Variants in PAK1 observed in about 807,000 individuals in gnomAD.
PAK1 encodes p21 (RAC1) activated kinase 1.
In PAK1, 29 loss-of-function variants were observed where a neutral mutation model predicts 67.4. That is an observed-to-expected ratio of 0.43 (90% CI 0.32 to 0.59). The LOEUF (loss-of-function observed/expected upper bound fraction) is 0.59. PAK1 is among the 20% of genes least tolerant of loss of function. The pLI, the probability that PAK1 is intolerant of heterozygous loss-of-function variation, is 0.07. For synonymous variants in PAK1, 223 were observed against 237.4 expected (o/e 0.94, Z 0.56); for missense variants, 337 against 670.7 (o/e 0.50, Z 5.50).
chr11:77,385,557 C>T (rs1005363659), intron 2 of PAK1, among the ~76,000 whole-genome samples: 6 of 152,106 alleles, frequency 3.9e-5, no homozygotes, highest in East Asian at 1.9e-4. Context: ...ATTCCTACAA[C>T]GATGTTAAGA....
chr11:77,467,870 C>T (rs546731124), intron 1 of PAK1, among the ~76,000 whole-genome samples: 2 of 152,310 alleles, frequency 1.3e-5, no homozygotes, highest in Non-Finnish European at 2.9e-5. Flanking sequence ...TTGTGCTCTT[C>T]CTTAAACCCT....
chr11:77,460,145 A>G (rs1348805562), intron 1 of PAK1, among the ~76,000 whole-genome samples: 1 of 148,054 alleles, frequency 6.8e-6, no homozygotes, highest in Admixed American at 6.7e-5. Flanking sequence ...GACTTTCTCA[A>G]ACTCTGTAGA....
intron 1 of PAK1, among the ~76,000 whole-genome samples, chr11:77,426,486 G>T (rs558011935): frequency 3.4e-4 from 51 of 152,210 alleles, no homozygotes; most frequent in African/African-American, 1.2e-3. Flanking sequence ...GAAAATCGGG[G>T]CACAGAGAGC....
At chr11:77,327,814 G>C (rs939546865) in intron 14 of PAK1, among the ~76,000 whole-genome samples, 24 of 152,134 alleles carry the variant, frequency 1.6e-4, no homozygotes, top group African/African-American at 5.6e-4. Context: ...TGGGCTAAAT[G>C]CTCCAATTAA....
chr11:77,481,869 T>C, the PAK1 span, among the ~76,000 whole-genome samples: 7 of 152,314 alleles, frequency 4.6e-5, no homozygotes, highest in East Asian at 1.3e-3. Flanking sequence ...TACTCGCTAC[T>C]ATATCTCTAG....
At chr11:77,462,535 TAA>T (rs1292268697) in intron 1 of PAK1, among the ~76,000 whole-genome samples, 3 of 151,914 alleles carry the variant, frequency 2.0e-5, no homozygotes, top group Non-Finnish European at 4.4e-5. Flanking sequence ...CAGTTCTTAG[TAA>T]AGAAGTCATG....
intron 9 of PAK1, among the ~76,000 whole-genome samples, chr11:77,346,549 G>T (rs1158736065): frequency 6.6e-6 from 1 of 152,136 alleles, no homozygotes; most frequent in Non-Finnish European, 1.5e-5. Flanking sequence ...AATGGCCAAT[G>T]CATTACTCAC....
intron 2 of PAK1, among the ~76,000 whole-genome samples, chr11:77,383,593 G>A (rs560844166): frequency 5.9e-5 from 9 of 152,172 alleles, no homozygotes; most frequent in Non-Finnish European, 1.2e-4. Context: ...CCAAAGTGCT[G>A]GTATTACAGG....
intron 8 of PAK1, chr11:77,349,551 T>A (rs561179016): frequency 2.3e-6 from 1 of 429,138 alleles, no homozygotes; most frequent in Non-Finnish European, 4.3e-6. Context: ...GAAAGTTATT[T>A]AACTTCTTTG....
the PAK1 span, among the ~76,000 whole-genome samples, chr11:77,503,449 C>T: frequency 6.6e-6 from 1 of 152,250 alleles, no homozygotes; most frequent in Non-Finnish European, 1.5e-5. Context: ...CAGCAGTTCT[C>T]AAACTGTTTG....
chr11:77,514,566 G>A, the PAK1 span, among the ~76,000 whole-genome samples: 10 of 152,172 alleles, frequency 6.6e-5, no homozygotes, highest in Non-Finnish European at 8.8e-5. Flanking sequence ...AATGTTAACT[G>A]AAAACCTGGA....
At chr11:77,472,524 T>C (rs1957911846) in intron 1 of PAK1, among the ~76,000 whole-genome samples, 1 of 152,186 alleles carries the variant, frequency 6.6e-6, no homozygotes. Flanking sequence ...CTTGCCCGTT[T>C]TGGGGCATAA....
the PAK1 span, among the ~76,000 whole-genome samples, chr11:77,489,565 C>T: frequency 1.3e-5 from 2 of 152,138 alleles, no homozygotes; most frequent in Non-Finnish European, 2.9e-5. Flanking sequence ...TCTCCTGCCT[C>T]GGCCTGCGGA....
chr11:77,500,568 G>A, the PAK1 span, among the ~76,000 whole-genome samples: 1 of 152,154 alleles, frequency 6.6e-6, no homozygotes, highest in Non-Finnish European at 1.5e-5. Context: ...CGTTCTGGCT[G>A]GGTTCAGTGG....
At chr11:77,528,405 G>C in the PAK1 span, among the ~76,000 whole-genome samples, 1 of 150,782 alleles carries the variant, frequency 6.6e-6, no homozygotes, top group African/African-American at 2.4e-5. Flanking sequence ...TGTTGCCCAG[G>C]CTGGAATGCA....
the PAK1 span, among the ~76,000 whole-genome samples, chr11:77,490,753 C>T: frequency 6.6e-6 from 1 of 152,218 alleles, no homozygotes; most frequent in East Asian, 1.9e-4. Flanking sequence ...AAGAAGTAGA[C>T]ATGGGAAACT....
rs1949599302 is a variant in PAK1 at position 77,379,904 on chromosome 11, CCT to C, written c.279_280del (p.Glu95ValfsTer19). ...TGACCCAGGACTTACCGTAAACTCC[CCT>C]GTGACAGCATCAAAACCGACATGAA... On this transcript the variant is annotated frameshift_variant, in exon 3 of 15. Coordinates refer to ENST00000356341, the MANE Select transcript of PAK1 (RefSeq NM_002576.5). LOFTEE classifies it high-confidence loss of function. 6.2e-7 allele frequency: 1 copy of C among 1,612,772 alleles called. No homozygotes were observed. The highest frequency in any genetic ancestry group is 8.5e-7 in the Non-Finnish European group (1 of 1,178,810).
the PAK1 span, among the ~76,000 whole-genome samples, chr11:77,490,309 C>T: frequency 1.2e-3 from 169 of 145,060 alleles, no homozygotes; most frequent in Middle Eastern, 3.6e-3. Context: ...CCCGGCCAGC[C>T]GCCCCGTCCG....
the PAK1 span, among the ~76,000 whole-genome samples, chr11:77,520,666 C>T: frequency 6.6e-6 from 1 of 152,010 alleles, no homozygotes; most frequent in African/African-American, 2.4e-5. Flanking sequence ...GACACAATTA[C>T]CTGTAAGTGA....
Sources: allele counts gnomAD v4.1 joint callset (sites outside exome capture counted in the v4.1 genomes callset), GRCh38; gene constraint gnomAD v4.1.1; transcripts MANE v1.5; gene names NCBI Gene and HGNC (gene_info 2026-07-23, HGNC 2026-07-21).